The following ZBTB11 variants were observed in gnomAD, a reference collection of about 807,000 sequenced individuals.
ZBTB11 encodes zinc finger and BTB domain-containing protein 11.
ZBTB11 carries 68 observed loss-of-function variants against 113.1 expected under a neutral mutation model. That is an observed-to-expected ratio of 0.60 (90% CI 0.49 to 0.74). The LOEUF (loss-of-function observed/expected upper bound fraction) is 0.74, where lower values mean the gene tolerates loss of function less well. Among genes scored for constraint, ZBTB11 ranks in the 30% least tolerant of loss-of-function variants. ZBTB11 has a pLI of 0.00. For synonymous variants in ZBTB11, 518 were observed against 452.6 expected (o/e 1.14, Z -1.83); for missense variants, 1,104 against 1,279.4 (o/e 0.86, Z 2.09).
chr3:101,671,313 C>T lies in ZBTB11; in HGVS notation c.595G>A (p.Ala199Thr). The change falls in exon 3 of 11, where the codon GCT (alanine) becomes ACT (threonine). Residue 199 changes from alanine to threonine, a missense_variant. By Grantham distance (58) the Ala-to-Thr change is moderately conservative. Coordinates refer to ENST00000312938, the MANE Select transcript of ZBTB11 (RefSeq NM_014415.4). The part of the protein sequence containing the change: ...VKRSSPKHCQ[A>T]VLKQLNEQRL... ...TGTTCGTTCAGCTGTTTTAAGACAGCCTGACAATGTTTTGGAGAAGAACGT... is the reference window on the plus strand; with the variant it reads ...TGTTCGTTCAGCTGTTTTAAGACAGTCTGACAATGTTTTGGAGAAGAACGT... 6.2e-7 allele frequency: 1 copy of T among 1,614,128 alleles called. No individual in the cohort carries two copies. Among genetic ancestry groups the T allele is most frequent in the Non-Finnish European group, 8.5e-7 (1 of 1,180,012 alleles).
At chr3:101,673,786 A>AGCCACCT (rs1937119483) in intron 1 of ZBTB11, among the ~76,000 whole-genome samples, 1 of 152,346 alleles carries the variant, frequency 6.6e-6, no homozygotes, top group South Asian at 2.1e-4. Context: ...AAGTGCTGGG[A>AGCCACCT]TGACGGGCAT....
At chr3:101,656,294 AT>A in intron 6 of ZBTB11, 46 bp from the exon 7 acceptor site, 4 of 1,264,826 alleles carry the variant, frequency 3.2e-6, no homozygotes, top group Non-Finnish European at 4.1e-6. Context: ...AAAAAGGGAG[AT>A]TGTTTCTGAA....
chr3:101,655,683 C>T (rs1393853260), intron 7 of ZBTB11, among the ~76,000 whole-genome samples: 12 of 147,318 alleles, frequency 8.1e-5, no homozygotes, highest in South Asian at 2.1e-4. Context: ...TTTTTTGAGA[C>T]GGATTCTTGC....
At position 101,651,114 on chromosome 3, in the gene ZBTB11, T is replaced by G; in HGVS notation, c.*52A>C. ...CACACAGAATTGTAAACAAATGTTCTGTGAGTTCAGTGTACAAGAGATGTC... is the reference window on the plus strand; with the variant it reads ...CACACAGAATTGTAAACAAATGTTCGGTGAGTTCAGTGTACAAGAGATGTC... On this transcript the variant is annotated 3_prime_UTR_variant, in exon 11 of 11. Transcript: ENST00000312938. 14 of 1,501,414 alleles carry G rather than the reference T, an allele frequency of 9.3e-6. No homozygotes were observed. The South Asian group carries it at 1.4e-4, about 15-fold the overall frequency. 93.0% of individuals were successfully genotyped at this position (1,501,414 alleles called of 1,614,324 possible).
rs1576655561 is a variant in ZBTB11 at position 101,676,598 on chromosome 3, G to A, written c.310+7C>T. ...AGCCCGCCCCCTCGCCGCGGGCTAGGTCTCACCTCGCCACCAGTACGTCTT... is the reference window on the plus strand; with the variant it reads ...AGCCCGCCCCCTCGCCGCGGGCTAGATCTCACCTCGCCACCAGTACGTCTT... On this transcript the variant is annotated splice_region_variant and intron_variant, in intron 1 of 10. Transcript: ENST00000312938. 1 of 1,495,318 alleles carries A rather than the reference G, an allele frequency of 6.7e-7. No homozygotes were observed. The allele number at this position is 1,495,318 out of a possible 1,614,324, so 92.6% of individuals were successfully genotyped here. A position where few individuals can be genotyped will look rare whatever the true frequency, so the allele number is the denominator to read the frequency against.
chr3:101,656,345 A>G, intron 6 of ZBTB11, 97 bp from the exon 7 acceptor site: 1 of 709,044 alleles, frequency 1.4e-6, no homozygotes, highest in Non-Finnish European at 1.9e-6. Context: ...TTTTAAATAA[A>G]TATTTAAATT....
rs188796697 is a variant in ZBTB11 at position 101,676,441 on chromosome 3, G to C, written c.310+164C>G. ...CCGGCCTCCTTCCTGTGGGAAGTGC[G>C]GCTCCTTTCGCGTCCCCCACCCTCT... On this transcript the variant is annotated intron_variant, in intron 1 of 10. Transcript: ENST00000312938. The C allele has an allele frequency of 2.0e-3, 1,387 of 682,852 alleles. 14 individuals are homozygous for C. The African/African-American group carries it at 0.023, about 11-fold the overall frequency. 42.3% of individuals were successfully genotyped at this position (682,852 alleles called of 1,614,324 possible). A position where few individuals can be genotyped will look rare whatever the true frequency, so the allele number is the denominator to read the frequency against.
chr3:101,671,876 T>TCAATAAGCAGTCTTATTCAATAAG (rs1230658013), intron 2 of ZBTB11, 102 bp downstream of exon 2: 2 of 858,182 alleles, frequency 2.3e-6, no homozygotes, highest in Non-Finnish European at 4.0e-6. Flanking sequence ...TTTGTCTTAT[T>TCAATAAGCAGTCTTATTCAATAAG]CAATAAGCAG....
At chr3:101,664,490 A>C in intron 5 of ZBTB11, 48 bp downstream of exon 5, 1 of 1,536,004 alleles carries the variant, frequency 6.5e-7, no homozygotes, top group South Asian at 1.3e-5. Context: ...GTTGGATTCT[A>C]TATATTATGA....
In ZBTB11 at chr3:101,671,990, A is replaced by G. The variant is rs1262336741; in HGVS notation, c.534T>C (p.His178=). Residue 178 remains histidine (H), a synonymous_variant, in exon 2 of 11, where the codon CAT becomes CAC. Coordinates refer to ENST00000312938, the MANE Select transcript of ZBTB11 (RefSeq NM_014415.4). ...GAGTACCACTTACAAACACAAGTTC[A>G]TGTTTGGATACTGGCTTCTTTTTTG... ...KPAKKKPVSK[H]ELVFVDTKGV... The G allele has an allele frequency of 6.2e-7, 1 of 1,612,852 alleles. No homozygotes were observed. The highest frequency in any genetic ancestry group is 1.7e-5 in the Admixed American group (1 of 60,022).
At chr3:101,672,904 C>G (rs1026385153) in intron 1 of ZBTB11, among the ~76,000 whole-genome samples, 2 of 152,190 alleles carry the variant, frequency 1.3e-5, no homozygotes, top group African/African-American at 2.4e-5. Context: ...TCACAAAGAA[C>G]AGCAATGTCC....
rs1460362773 is a variant in ZBTB11, at chr3:101,654,713, T to C, written c.2300A>G (p.His767Arg). ...HQPKPEVRGY[H>R]CTQCEKSFFE... ...CATATTGAATACTTACTGAGTACAATGATAGCCTCGAACCTCAGGCTTTGG... is the reference window on the plus strand; with the variant it reads ...CATATTGAATACTTACTGAGTACAACGATAGCCTCGAACCTCAGGCTTTGG... The change falls in exon 8 of 11, where the codon CAT becomes CGT. Residue 767 changes from histidine to arginine, a missense_variant. Physicochemically the swap from His to Arg is conservative, Grantham distance 29. Transcript: ENST00000312938. 3.7e-6 allele frequency: 6 copies of C among 1,613,716 alleles called. No homozygotes were observed. In the Admixed American group the frequency reaches 1.0e-4, roughly 27 times the overall value.
intron 3 of ZBTB11, among the ~76,000 whole-genome samples, chr3:101,669,812 T>A (rs536433490): frequency 2.0e-5 from 3 of 151,338 alleles, no homozygotes; most frequent in Admixed American, 2.0e-4. Context: ...TTTATTTATA[T>A]AGAGAAAGCT....
intron 8 of ZBTB11, among the ~76,000 whole-genome samples, 179 bp downstream of exon 8, chr3:101,654,525 A>C (rs1434520580): frequency 6.6e-6 from 1 of 152,210 alleles, no homozygotes; most frequent in Non-Finnish European, 1.5e-5. Flanking sequence ...AGTGATTTGT[A>C]TGGTAAATGA....
At chr3:101,657,135 A>G (rs1472131944) in intron 6 of ZBTB11, among the ~76,000 whole-genome samples, 1 of 102,052 alleles carries the variant, frequency 9.8e-6, no homozygotes, top group Non-Finnish European at 2.2e-5. Flanking sequence ...AGCAAGAATC[A>G]GTCTCAAAAA....
At chr3:101,668,243 G>A (rs1461013006) in intron 3 of ZBTB11, among the ~76,000 whole-genome samples, 3 of 152,034 alleles carry the variant, frequency 2.0e-5, no homozygotes, top group Non-Finnish European at 4.4e-5. Context: ...TTGATTAATA[G>A]ATACAAAATT....
intron 8 of ZBTB11, among the ~76,000 whole-genome samples, chr3:101,653,361 T>C (rs1936739232): frequency 6.6e-6 from 1 of 152,178 alleles, no homozygotes; most frequent in Non-Finnish European, 1.5e-5. Flanking sequence ...GATGACTGAC[T>C]TAACTTGATG....
At chr3:101,671,539 T>C (rs144125480) in intron 2 of ZBTB11, 178 bp from the exon 3 acceptor site, 4 of 605,210 alleles carry the variant, frequency 6.6e-6, no homozygotes, top group Middle Eastern at 4.4e-4. Flanking sequence ...TTTTCTGCCA[T>C]GTTCATTCTA....
At chr3:101,673,465 G>A (rs1409391199) in intron 1 of ZBTB11, among the ~76,000 whole-genome samples, 1 of 152,042 alleles carries the variant, frequency 6.6e-6, no homozygotes, top group Non-Finnish European at 1.5e-5. Context: ...GTATGGTATA[G>A]AGAATATTCC....
Sources: allele counts gnomAD v4.1 joint callset (sites outside exome capture counted in the v4.1 genomes callset), GRCh38; gene constraint gnomAD v4.1.1; transcripts MANE v1.5; gene names NCBI Gene and HGNC (gene_info 2026-07-23, HGNC 2026-07-21).